Variants in HPCAL1 observed in about 807,000 individuals in gnomAD.
HPCAL1 encodes hippocalcin like 1.
In HPCAL1, 8 loss-of-function variants were observed where a neutral mutation model predicts 17.1. The ratio of observed to expected loss-of-function variants is 0.47; its 90% CI spans 0.27 to 0.84. The LOEUF is 0.84. Ranked by LOEUF, HPCAL1 falls within the 40% of genes least tolerant of loss-of-function variation. The pLI, the probability that HPCAL1 is intolerant of heterozygous loss-of-function variation, is 0.13. For synonymous variants in HPCAL1, 112 were observed against 111.4 expected, an observed-to-expected ratio of 1.01 and a Z score of -0.03; for missense variants, 165 against 271.1, an observed-to-expected ratio of 0.61 and a Z score of 2.75.
chr2:10,373,624 A>G (rs1453611024), intron 1 of HPCAL1, among the ~76,000 whole-genome samples: 2 of 151,902 alleles, frequency 1.3e-5, no homozygotes, highest in Non-Finnish European at 2.9e-5. Flanking sequence ...GGCAAGGATG[A>G]AAGTCTTCTC....
chr2:10,303,860 G>A (rs1662433505), intron 1 of HPCAL1: 1 of 152,352 alleles, frequency 6.6e-6, no homozygotes, highest in Admixed American at 6.5e-5. Flanking sequence ...TTAAAATGAG[G>A]ACAGCTCCTC....
Position 10,410,965 on chromosome 2 carries a change from G to A in HPCAL1, c.-24-8769G>A, listed in dbSNP as rs539429228. Among the ~76,000 whole-genome samples, 11 of 151,412 alleles carry A rather than the reference G, an allele frequency of 7.3e-5. No homozygotes were observed. The East Asian group carries it at 9.7e-4, about 13-fold the overall frequency. On this transcript the variant is annotated intron_variant, in intron 2 of 4. Coordinates refer to ENST00000307845, the MANE Select transcript of HPCAL1 (RefSeq NM_002149.4). ...CGTTTCTTGTGAGGCAGCCTGCGTC[G>A]GGCCCGACAGCCTCCAGGAGAGAGC... is the stretch of plus-strand genomic sequence containing the variant.
At chr2:10,413,090 A>G (rs913160556) in intron 2 of HPCAL1, among the ~76,000 whole-genome samples, 2 of 152,204 alleles carry the variant, frequency 1.3e-5, no homozygotes, top group African/African-American at 4.8e-5. Flanking sequence ...CATCAGCAGA[A>G]TCCTTTCTTT....
intron 1 of HPCAL1, among the ~76,000 whole-genome samples, chr2:10,319,549 G>C (rs1269783049): frequency 7.7e-6 from 1 of 130,170 alleles, no homozygotes; most frequent in Non-Finnish European, 1.6e-5. Context: ...CACCTTTTCA[G>C]GGGATGATAG....
intron 1 of HPCAL1, among the ~76,000 whole-genome samples, chr2:10,312,272 A>G (rs1283782702): frequency 6.8e-6 from 1 of 147,904 alleles, no homozygotes; most frequent in Non-Finnish European, 1.5e-5. Context: ...CATCACCACC[A>G]TTATCACTGT....
intron 2 of HPCAL1, among the ~76,000 whole-genome samples, chr2:10,417,839 T>C (rs12478092): frequency 0.11 from 17,024 of 151,570 alleles, 2,206 homozygotes; most frequent in East Asian, 0.69. Flanking sequence ...GCTAGGAGCT[T>C]GAGACTGGCC....
rs1284733591 is a variant in HPCAL1, at chr2:10,362,527, G to T, written c.-110-34308G>T. On this transcript the variant is annotated intron_variant, in intron 1 of 4. Coordinates refer to ENST00000307845, the MANE Select transcript of HPCAL1 (RefSeq NM_002149.4). This position sits in a 1 kb window ranked among gnomAD's most constrained non-coding sequence, Gnocchi z 5.0. Reference sequence around the variant, plus strand: ...GGAACATGTCTGCTTCTTTCCTTCAGGAAAGGAAAGGTGAGCTGGGCGATG... The same window carrying T: ...GGAACATGTCTGCTTCTTTCCTTCATGAAAGGAAAGGTGAGCTGGGCGATG... 1.3e-5 allele frequency among the ~76,000 whole-genome samples: 2 copies of T among 152,178 alleles called. No homozygotes were observed. The highest frequency in any genetic ancestry group is 2.9e-5 in the Non-Finnish European group (2 of 68,028).
chr2:10,423,622 TGGTG>T, intron 4 of HPCAL1: 1 of 156,014 alleles, frequency 6.4e-6, no homozygotes, highest in South Asian at 1.9e-4. Flanking sequence ...AGTCTCACGA[TGGTG>T]GGTGGCAGCA....
intron 1 of HPCAL1, among the ~76,000 whole-genome samples, chr2:10,322,343 C>A (rs1160348636): frequency 1.3e-5 from 2 of 152,104 alleles, no homozygotes; most frequent in African/African-American, 4.8e-5. Context: ...ATAGGGTGGT[C>A]AGAGAAGGTC....
chr2:10,358,759 C>G (rs1030096767), intron 1 of HPCAL1, among the ~76,000 whole-genome samples: 2 of 152,124 alleles, frequency 1.3e-5, no homozygotes, highest in African/African-American at 4.8e-5. Context: ...CTGGCTCCCC[C>G]ATCTGCTGGG....
intron 2 of HPCAL1, among the ~76,000 whole-genome samples, chr2:10,404,003 C>T (rs1558522914): frequency 1.3e-5 from 2 of 152,188 alleles, no homozygotes; most frequent in East Asian, 1.9e-4. Context: ...TTAATGTACC[C>T]ATTTGTTCCA....
intron 1 of HPCAL1, chr2:10,369,157 A>G (rs1342216486): frequency 6.6e-6 from 1 of 152,238 alleles, no homozygotes; most frequent in African/African-American, 2.4e-5. Context: ...GGCTGCAGCA[A>G]CACAAGGATT....
Position 10,395,111 on chromosome 2 carries a change from AAAAC to A in HPCAL1, c.-110-1722_-110-1719del, listed in dbSNP as rs1182295226. Among the ~76,000 whole-genome samples the A allele has an allele frequency of 5.7e-5, 6 of 104,958 alleles. No individual in the cohort carries two copies. Among genetic ancestry groups the A allele is most frequent in the African/African-American group, 2.4e-4 (6 of 24,922 alleles). 68.9% of individuals were successfully genotyped at this position (104,958 alleles called of 152,430 possible). ...GGTGTCCAGCCTAAAATCTATCTTT[AAAAC>A]ACACACACACACACACACACACACA... On this transcript the variant is annotated intron_variant, in intron 1 of 4. Coordinates refer to ENST00000307845, the MANE Select transcript of HPCAL1 (RefSeq NM_002149.4). This position sits in a 1 kb window ranked among gnomAD's most constrained non-coding sequence, Gnocchi z 4.4.
intron 1 of HPCAL1, among the ~76,000 whole-genome samples, chr2:10,349,888 T>C (rs1665732777): frequency 6.6e-6 from 1 of 152,132 alleles, no homozygotes; most frequent in Non-Finnish European, 1.5e-5. Flanking sequence ...TTTTTTGCAC[T>C]ATCCACACTG....
At chr2:10,361,736 G>T (rs1313326583) in intron 1 of HPCAL1, among the ~76,000 whole-genome samples, 3 of 145,950 alleles carry the variant, frequency 2.1e-5, no homozygotes, top group Non-Finnish European at 4.5e-5. Context: ...TTTTTTTTGA[G>T]ATAGGGTCTC....
In HPCAL1 at chr2:10,304,076, A is replaced by G. The variant is rs1662453911; in HGVS notation, c.-111+899A>G. ...CCTGGCCCTAACTTAACCGCGAAGCACTGAGATTCGAGAAAGTTTAGCTGC... is the reference window on the plus strand; with the variant it reads ...CCTGGCCCTAACTTAACCGCGAAGCGCTGAGATTCGAGAAAGTTTAGCTGC... On this transcript the variant is annotated intron_variant, in intron 1 of 4. Coordinates refer to ENST00000307845, the MANE Select transcript of HPCAL1 (RefSeq NM_002149.4). The surrounding 1 kb of genome is among the most constrained non-coding windows in gnomAD (Gnocchi z 4.1). The G allele has an allele frequency of 6.6e-6, 1 of 152,056 alleles. No homozygotes were observed. The highest frequency in any genetic ancestry group is 1.5e-5 in the Non-Finnish European group (1 of 68,002). The allele number at this position is 152,056 out of a possible 1,614,324, so 9.4% of individuals were successfully genotyped here. A position where few individuals can be genotyped will look rare whatever the true frequency, so the allele number is the denominator to read the frequency against.
chr2:10,341,636 C>G (rs955577229), intron 1 of HPCAL1, among the ~76,000 whole-genome samples: 1 of 151,998 alleles, frequency 6.6e-6, no homozygotes, highest in Admixed American at 6.6e-5. Context: ...AACCTAAACA[C>G]GAGCCGTGGG....
intron 2 of HPCAL1, among the ~76,000 whole-genome samples, chr2:10,407,896 C>T (rs1670072087): frequency 6.6e-6 from 1 of 152,198 alleles, no homozygotes. Context: ...TGAGTTCATA[C>T]TAGAAAAACG....
chr2:10,323,795 T>A lies in HPCAL1; in HGVS notation c.-111+20618T>A, dbSNP rs1663820231. Among the ~76,000 whole-genome samples the A allele has an allele frequency of 6.6e-6, 1 of 152,204 alleles. No individual in the cohort carries two copies. The highest frequency in any genetic ancestry group is 2.1e-4 in the South Asian group (1 of 4,830). On this transcript the variant is annotated intron_variant, in intron 1 of 4. Coordinates refer to ENST00000307845, the MANE Select transcript of HPCAL1 (RefSeq NM_002149.4). This position sits in a 1 kb window ranked among gnomAD's most constrained non-coding sequence, Gnocchi z 4.6. ...GATTCTTCCAGGCACTGGGGAGACA[T>A]TTAAAAAACAATAACAACAACAACA...
Sources: gnomAD v4.1 joint callset for allele counts (sites outside exome capture counted in the v4.1 genomes callset) on GRCh38, gnomAD v4.1.1 for gene constraint, Gnocchi (gnomAD v3.1) non-coding constraint, MANE v1.5 for transcripts, NCBI Gene and HGNC (gene_info 2026-07-23, HGNC 2026-07-21) for gene names.